CADM2: variants seen among roughly 807,000 people sequenced by gnomAD.
The protein encoded by CADM2 is immunoglobulin superfamily member 4D.
A neutral mutation model predicts 49.8 loss-of-function variants in CADM2; 12 were observed. That is an observed-to-expected ratio of 0.24 (90% confidence interval 0.15 to 0.39). The LOEUF (loss-of-function observed/expected upper bound fraction) is 0.39. Ranked by LOEUF, CADM2 falls within the 10% of genes least tolerant of loss-of-function variation. The pLI, the probability that CADM2 is intolerant of heterozygous loss-of-function variation, is 1.00. For missense variants in CADM2, 378 were observed against 492.3 expected, an observed-to-expected ratio of 0.77 and a Z score of 2.20; for synonymous variants, 214 against 175.4, an observed-to-expected ratio of 1.22 and a Z score of -1.74.
intron 7 of CADM2, among the ~76,000 whole-genome samples, chr3:85,943,839 T>C (rs1028181888): frequency 6.6e-6 from 1 of 151,936 alleles, no homozygotes; most frequent in Non-Finnish European, 1.5e-5. Context: ...TAAAGACCAT[T>C]GATGCTAAGT....
intron 1 of CADM2, among the ~76,000 whole-genome samples, chr3:85,527,607 A>G (rs905334535): frequency 1.3e-4 from 20 of 151,868 alleles, no homozygotes; most frequent in Non-Finnish European, 1.8e-4. Context: ...CTGAAAAAAA[A>G]AATCAAAATG....
At position 85,767,210 on chromosome 3, in the gene CADM2, ATTACCGGGT is replaced by A. The variant is rs2069702271; in HGVS notation, c.89-34831_89-34823del. Reference sequence around the variant, plus strand: ...AAGTTCACTCTAGTGATTTAAATATATTACCGGGTTTACCATGATGCACACCTAACCTCT... The same window carrying A: ...AAGTTCACTCTAGTGATTTAAATATATTACCATGATGCACACCTAACCTCT... On this transcript the variant is annotated intron_variant, in intron 2 of 9. Coordinates refer to ENST00000383699, the MANE Select transcript of CADM2 (RefSeq NM_001167675.2). Among the ~76,000 whole-genome samples, 15 of 152,260 alleles carry A rather than the reference ATTACCGGGT, an allele frequency of 9.9e-5. No homozygotes were observed. The South Asian group carries it at 3.1e-3, about 32-fold the overall frequency.
intron 8 of CADM2, among the ~76,000 whole-genome samples, chr3:86,035,446 G>GATC (rs1735041090): frequency 6.6e-6 from 1 of 151,984 alleles, no homozygotes; most frequent in Non-Finnish European, 1.5e-5. Flanking sequence ...CACCTTCAGT[G>GATC]ATCAGTTCTG....
At chr3:86,055,709 C>G (rs1050467067) in intron 8 of CADM2, among the ~76,000 whole-genome samples, 2 of 152,020 alleles carry the variant, frequency 1.3e-5, no homozygotes, top group African/African-American at 2.4e-5. Context: ...AAGGCTCCAC[C>G]TCCTAATATC....
chr3:85,160,589 C>T (rs2040292339), intron 1 of CADM2, among the ~76,000 whole-genome samples: 1 of 152,146 alleles, frequency 6.6e-6, no homozygotes, highest in Non-Finnish European at 1.5e-5. Flanking sequence ...TCCTCCTATT[C>T]ATGGTCCTTC....
intron 1 of CADM2, among the ~76,000 whole-genome samples, chr3:85,266,215 T>C (rs896230566): frequency 6.6e-6 from 1 of 151,906 alleles, no homozygotes; most frequent in Admixed American, 6.6e-5. Context: ...CTATTTCCCA[T>C]TGGATTTTTG....
At chr3:85,665,894 T>C (rs2065549364) in intron 1 of CADM2, among the ~76,000 whole-genome samples, 1 of 152,012 alleles carries the variant, frequency 6.6e-6, no homozygotes, top group South Asian at 2.1e-4. Flanking sequence ...GGCTTTTTTT[T>C]TCTTGATCTC....
chr3:85,713,615 T>C (rs568248900), intron 1 of CADM2, among the ~76,000 whole-genome samples: 1 of 152,330 alleles, frequency 6.6e-6, no homozygotes, highest in Non-Finnish European at 1.5e-5. Flanking sequence ...CCTACCTATC[T>C]ACAATTGAAT....
At chr3:85,323,886 A>T (rs1031805318) in intron 1 of CADM2, among the ~76,000 whole-genome samples, 1 of 152,184 alleles carries the variant, frequency 6.6e-6, no homozygotes, top group Admixed American at 6.5e-5. Context: ...AATTCTTCTT[A>T]TAACAGCCTA....
intron 1 of CADM2, among the ~76,000 whole-genome samples, chr3:85,530,102 G>GC (rs200779095): frequency 0.018 from 2,689 of 151,916 alleles, 81 homozygotes; most frequent in African/African-American, 0.062. Context: ...TGAAAACAGT[G>GC]CCCCCCATAC....
At chr3:85,391,211 T>A (rs1165620174) in intron 1 of CADM2, among the ~76,000 whole-genome samples, 2 of 151,978 alleles carry the variant, frequency 1.3e-5, no homozygotes, top group Admixed American at 1.3e-4. Context: ...TAATTCTAGA[T>A]CTTAATGCAT....
At chr3:85,349,159 T>C (rs1399577894) in intron 1 of CADM2, among the ~76,000 whole-genome samples, 1 of 152,170 alleles carries the variant, frequency 6.6e-6, no homozygotes, top group Non-Finnish European at 1.5e-5. Flanking sequence ...TATTCAGAGA[T>C]TTCAATTGCT....
intron 7 of CADM2, among the ~76,000 whole-genome samples, chr3:85,955,870 A>G (rs1049460203): frequency 6.6e-6 from 1 of 151,572 alleles, no homozygotes; most frequent in Non-Finnish European, 1.5e-5. Flanking sequence ...ACGCCTCAGG[A>G]TATTTGAGAA....
chr3:85,738,642 A>T (rs1013572357), intron 2 of CADM2, among the ~76,000 whole-genome samples: 1 of 152,160 alleles, frequency 6.6e-6, no homozygotes, highest in African/African-American at 2.4e-5. Flanking sequence ...AACTCACCAT[A>T]TCTCTCTTTC....
chr3:85,650,735 C>T (rs1388246912), intron 1 of CADM2, among the ~76,000 whole-genome samples: 1 of 151,564 alleles, frequency 6.6e-6, no homozygotes, highest in African/African-American at 2.4e-5. Context: ...AGTTTGAGAA[C>T]CAGTACTCTA....
At chr3:85,441,017 T>A (rs2037177035) in intron 1 of CADM2, among the ~76,000 whole-genome samples, 1 of 152,114 alleles carries the variant, frequency 6.6e-6, no homozygotes, top group Non-Finnish European at 1.5e-5. Flanking sequence ...ATAGGATCTT[T>A]ACAATATTGG....
At chr3:85,620,380 A>C (rs755077590) in intron 1 of CADM2, among the ~76,000 whole-genome samples, 197 of 152,202 alleles carry the variant, frequency 1.3e-3, no homozygotes, top group Non-Finnish European at 2.2e-3. Flanking sequence ...ACATACACAC[A>C]AATATACACT....
rs368608404 is a variant in CADM2, at chr3:85,883,395, T to C, written c.343T>C (p.Leu115=). ...LSDEGQYTCS[L]FTMPVKTSKA... ...TGATGAAGGACAGTACACCTGTTCT[T>C]TATTTACAATGCCTGTCAAAACTTC... The change falls in exon 4 of 10, where the codon TTA becomes CTA. Residue 115 remains leucine (L), a synonymous_variant. Coordinates refer to ENST00000383699, the MANE Select transcript of CADM2 (RefSeq NM_001167675.2). The C allele has an allele frequency of 6.2e-7, 1 of 1,613,696 alleles. No individual in the cohort carries two copies. Among genetic ancestry groups the C allele is most frequent in the African/African-American group, 1.3e-5 (1 of 74,914 alleles).
Position 85,127,770 on chromosome 3 carries a change from G to T in CADM2, c.61+168102G>T, listed in dbSNP as rs143009817. ...TTGATTTAGGTGATACATGTCTCAAGGGGCTCCCCTATCTCTGACACATAT... is the reference window on the plus strand; with the variant it reads ...TTGATTTAGGTGATACATGTCTCAATGGGCTCCCCTATCTCTGACACATAT... On this transcript the variant is annotated intron_variant, in intron 1 of 9. Coordinates refer to ENST00000383699, the MANE Select transcript of CADM2 (RefSeq NM_001167675.2). Among the ~76,000 whole-genome samples the T allele has an allele frequency of 1.3e-4, 20 of 152,154 alleles. 1 individual carries two copies. The East Asian group carries it at 3.7e-3, about 28-fold the overall frequency.
Sources: allele counts gnomAD v4.1 joint callset (sites outside exome capture counted in the v4.1 genomes callset), GRCh38; gene constraint gnomAD v4.1.1; transcripts MANE v1.5; gene names NCBI Gene and HGNC (gene_info 2026-07-23, HGNC 2026-07-21).